MX2: variants seen among roughly 807,000 people sequenced by gnomAD.
The protein encoded by MX2 is MX dynamin like GTPase 2.
In MX2, 51 loss-of-function variants were observed where a neutral mutation model predicts 74.0. The ratio of observed to expected loss-of-function variants is 0.69; its 90% CI spans 0.55 to 0.87. The LOEUF is 0.87. MX2 is among the 40% of genes least tolerant of loss of function. MX2 has a pLI of 0.00. For missense variants in MX2, 832 were observed against 908.7 expected (o/e 0.92, Z 1.09); for synonymous variants, 369 against 339.3 (o/e 1.09, Z -0.96).
intron 8 of MX2, 52 bp downstream of exon 8, chr21:41,397,743 C>G: frequency 6.6e-7 from 1 of 1,513,574 alleles, no homozygotes; most frequent in Non-Finnish European, 9.2e-7. Context: ...GCCCAAGTCA[C>G]TCTCTTGGTC....
intron 6 of MX2, among the ~76,000 whole-genome samples, chr21:41,394,286 T>C (rs2089702958): frequency 6.6e-6 from 1 of 151,984 alleles, no homozygotes; most frequent in Admixed American, 6.5e-5. Flanking sequence ...GTTCCACCGC[T>C]CTCTGCCTTG....
In MX2 at chr21:41,380,135, G is replaced by A; in HGVS notation, c.561G>A (p.Glu187=). The A allele has an allele frequency of 6.2e-7, 1 of 1,613,886 alleles. No homozygotes were observed. Among genetic ancestry groups the A allele is most frequent in the Non-Finnish European group, 8.5e-7 (1 of 1,179,814 alleles). The change falls in exon 4 of 14, where the codon GAG becomes GAA. Residue 187 remains glutamate, a synonymous_variant. Transcript: ENST00000330714. This position sits in a 1 kb window ranked among gnomAD's most constrained non-coding sequence, Gnocchi z 4.3. ...ELELQDPGQV[E]KEIHKAQNVM... is the part of the protein sequence containing the mutation. ...AGCTTCAGGACCCTGGCCAGGTGGA[G>A]AAAGAGATACACAAAGGTGGGCCCA...
At position 41,390,589 on chromosome 21, in the gene MX2, A is replaced by G; in HGVS notation, c.757A>G (p.Ile253Val). ...GATCAAGGCTCTCATCAAGAAGTAC[A>G]TCCAGAGGCAGCAGACGATCAACTT... ...LQIKALIKKY[I>V]QRQQTINLVV... The change falls in exon 6 of 14, where the codon ATC (isoleucine) becomes GTC (valine). Residue 253 changes from isoleucine to valine, a missense_variant. Coordinates refer to ENST00000330714, the MANE Select transcript of MX2 (RefSeq NM_002463.2). 6 of 1,614,212 alleles carry G rather than the reference A, an allele frequency of 3.7e-6. No individual in the cohort carries two copies. The highest frequency in any genetic ancestry group is 4.2e-6 in the Non-Finnish European group (5 of 1,180,020).
At chr21:41,395,564 T>C (rs1470336078) in intron 6 of MX2, 23 bp from the exon 7 acceptor site, 4 of 1,612,180 alleles carry the variant, frequency 2.5e-6, no homozygotes, top group Non-Finnish European at 3.4e-6. Context: ...CCTTTCCATT[T>C]CCCTTCTTTA....
chr21:41,396,748 T>C (rs1049251291), intron 7 of MX2, among the ~76,000 whole-genome samples: 1 of 152,162 alleles, frequency 6.6e-6, no homozygotes, highest in Non-Finnish European at 1.5e-5. Context: ...CCAATAGCAC[T>C]GGAGGACATG....
rs75638297 is a variant in MX2 at position 41,394,314 on chromosome 21, C to T, written c.872-1273C>T. ...CTGCCTTGCTCATGACCCTCCAATA[C>T]GGCTCTGCCATCCCTGCTCCCTCTC... On this transcript the variant is annotated intron_variant, in intron 6 of 13. Coordinates refer to ENST00000330714, the MANE Select transcript of MX2 (RefSeq NM_002463.2). 4.8e-3 allele frequency among the ~76,000 whole-genome samples: 731 copies of T among 152,224 alleles called. 9 individuals carry two copies. Among genetic ancestry groups the T allele is most frequent in the African/African-American group, 0.017 (688 of 41,518 alleles).
rs1366331551 is a variant in MX2 at position 41,366,363 on chromosome 21, C to T, written c.-72+4308C>T. On this transcript the variant is annotated intron_variant, in intron 1 of 13. Transcript: ENST00000330714. The surrounding 1 kb of genome is among the most constrained non-coding windows in gnomAD (Gnocchi z 4.5). The stretch of plus-strand genomic sequence containing the variant: ...CATTTGTGTCACGATAGAGGTAAAC[C>T]TGAGACTGAGTAACTTACAAAGAAA... 4 of 152,200 alleles carry T rather than the reference C, an allele frequency of 2.6e-5. No homozygotes were observed. The highest frequency in any genetic ancestry group is 5.9e-5 in the Non-Finnish European group (4 of 68,054). The allele number at this position is 152,200 out of a possible 1,614,324, so 9.4% of individuals were successfully genotyped here.
intron 7 of MX2, among the ~76,000 whole-genome samples, chr21:41,397,300 T>A (rs2145947336): frequency 6.6e-6 from 1 of 152,374 alleles, no homozygotes; most frequent in Admixed American, 6.5e-5. Flanking sequence ...TATATACTTT[T>A]GTGATGAGAA....
intron 5 of MX2, among the ~76,000 whole-genome samples, chr21:41,384,468 G>A (rs1264362155): frequency 6.6e-6 from 1 of 152,182 alleles, no homozygotes; most frequent in Non-Finnish European, 1.5e-5. Context: ...TAAGTGTGCG[G>A]TCTCTCTAAG....
intron 4 of MX2, among the ~76,000 whole-genome samples, chr21:41,381,809 A>G (rs2145898286): frequency 6.6e-6 from 1 of 152,320 alleles, no homozygotes; most frequent in East Asian, 1.9e-4. Flanking sequence ...CCACTTTGGA[A>G]AACCATCTGG....
At chr21:41,394,430 G>A (rs143590151) in intron 6 of MX2, among the ~76,000 whole-genome samples, 18 of 152,196 alleles carry the variant, frequency 1.2e-4, no homozygotes, top group African/African-American at 3.6e-4. Context: ...TTCTGAGAGC[G>A]GACCTCCCTG....
chr21:41,385,184 C>T (rs2089554727), intron 5 of MX2, among the ~76,000 whole-genome samples: 1 of 152,230 alleles, frequency 6.6e-6, no homozygotes, highest in South Asian at 2.1e-4. Flanking sequence ...AGCAGCTTAG[C>T]TTTTGGCCTT....
chr21:41,393,145 GAA>G (rs71878374), intron 6 of MX2, among the ~76,000 whole-genome samples: 1 of 120,166 alleles, frequency 8.3e-6, no homozygotes, highest in African/African-American at 2.9e-5. Context: ...AGAAAGAAAA[GAA>G]AAAAAAAAGA....
At chr21:41,371,888 C>T (rs1045021031) in intron 1 of MX2, among the ~76,000 whole-genome samples, 3 of 152,094 alleles carry the variant, frequency 2.0e-5, no homozygotes, top group African/African-American at 4.8e-5. Context: ...CAAGACCGCA[C>T]GGCCAATAAA....
At chr21:41,381,109 A>G (rs2145895387) in intron 4 of MX2, among the ~76,000 whole-genome samples, 1 of 152,318 alleles carries the variant, frequency 6.6e-6, no homozygotes, top group East Asian at 1.9e-4. Flanking sequence ...ATCCCTTCCC[A>G]AATAGAGAGG....
chr21:41,391,100 A>C (rs1601418488), intron 6 of MX2, among the ~76,000 whole-genome samples: 1 of 151,988 alleles, frequency 6.6e-6, no homozygotes, highest in East Asian at 1.9e-4. Flanking sequence ...GGAACGTATC[A>C]TATGCCAGTG....
At position 41,402,252 on chromosome 21, in the gene MX2, C is replaced by G; in HGVS notation, c.1573+124C>G. ...GCCTGCAGACACGCTCACTGGTGTG[C>G]TAGATTGCTACTCTGTGTGGTCTGT... On this transcript the variant is annotated intron_variant, in intron 11 of 13. Transcript: ENST00000330714. This position sits in a 1 kb window ranked among gnomAD's most constrained non-coding sequence, Gnocchi z 4.5. The G allele has an allele frequency of 8.7e-7, 1 of 1,146,102 alleles. No individual in the cohort carries two copies. Among genetic ancestry groups the G allele is most frequent in the Non-Finnish European group, 1.2e-6 (1 of 822,158 alleles). 71.0% of individuals were successfully genotyped at this position (1,146,102 alleles called of 1,614,324 possible).
chr21:41,398,773 G>A, intron 8 of MX2, 124 bp from the exon 9 acceptor site: 4 of 1,374,206 alleles, frequency 2.9e-6, no homozygotes, highest in Non-Finnish European at 3.9e-6. Flanking sequence ...GGGAGGCTGG[G>A]GCAGGTGGGT....
At chr21:41,372,358 C>A (rs2089337108) in intron 1 of MX2, among the ~76,000 whole-genome samples, 1 of 152,198 alleles carries the variant, frequency 6.6e-6, no homozygotes. Flanking sequence ...TCTGAGATGA[C>A]CAGATTCCAT....
Sources: gnomAD v4.1 joint callset for allele counts (sites outside exome capture counted in the v4.1 genomes callset) on GRCh38, gnomAD v4.1.1 for gene constraint, Gnocchi (gnomAD v3.1) non-coding constraint, MANE v1.5 for transcripts, NCBI Gene and HGNC (gene_info 2026-07-23, HGNC 2026-07-21) for gene names.